Variants in SLC24A3 observed in about 807,000 individuals in gnomAD.
SLC24A3 encodes the protein sodium/potassium/calcium exchanger 3.
A neutral mutation model predicts 75.8 loss-of-function variants in SLC24A3; 28 were observed. That is an observed-to-expected ratio of 0.37 (90% CI 0.27 to 0.51). The LOEUF is 0.51. Ranked by LOEUF, SLC24A3 falls within the 20% of genes least tolerant of loss-of-function variation. The pLI, the probability that SLC24A3 is intolerant of heterozygous loss-of-function variation, is 0.94. For synonymous variants in SLC24A3, 372 were observed against 334.1 expected (o/e 1.11, Z -1.24); for missense variants, 663 against 847.8 (o/e 0.78, Z 2.71).
At chr20:19,515,104 T>C (rs1397523150) in intron 2 of SLC24A3, among the ~76,000 whole-genome samples, 1 of 152,230 alleles carries the variant, frequency 6.6e-6, no homozygotes, top group African/African-American at 2.4e-5. Context: ...TGTGTGGAAA[T>C]GAAGCTGTCA....
intron 1 of SLC24A3, among the ~76,000 whole-genome samples, chr20:19,252,258 A>G (rs1982680357): frequency 6.6e-6 from 1 of 152,212 alleles, no homozygotes; most frequent in African/African-American, 2.4e-5. Flanking sequence ...ATGAAAGAGG[A>G]GTTGCAGCCA....
chr20:19,714,427 CAA>C (rs1300069377), intron 15 of SLC24A3, among the ~76,000 whole-genome samples: 1 of 29,512 alleles, frequency 3.4e-5, no homozygotes, highest in Non-Finnish European at 6.2e-5. Flanking sequence ...AAAAAAAAAA[CAA>C]CAAAAAGAGG....
intron 2 of SLC24A3, among the ~76,000 whole-genome samples, chr20:19,325,911 C>G (rs1402328358): frequency 6.7e-6 from 1 of 150,360 alleles, no homozygotes; most frequent in Non-Finnish European, 1.5e-5. Context: ...ACTTTATACA[C>G]ATAGTCTGAG....
intron 3 of SLC24A3, among the ~76,000 whole-genome samples, chr20:19,554,613 A>G (rs964056465): frequency 6.6e-6 from 1 of 152,362 alleles, no homozygotes; most frequent in South Asian, 2.1e-4. Flanking sequence ...AAGCCTAAAT[A>G]GGAAACCATG....
intron 1 of SLC24A3, among the ~76,000 whole-genome samples, chr20:19,216,625 G>GA (rs1981564909): frequency 6.6e-6 from 1 of 150,950 alleles, no homozygotes; most frequent in Non-Finnish European, 1.5e-5. Context: ...AGAAAAAAAG[G>GA]AAAAAAAGAA....
chr20:19,388,646 A>C (rs1986314134), intron 2 of SLC24A3, among the ~76,000 whole-genome samples: 1 of 152,188 alleles, frequency 6.6e-6, no homozygotes, highest in Non-Finnish European at 1.5e-5. Flanking sequence ...CGGGAGATGG[A>C]GCTTGCAGTG....
chr20:19,430,372 G>A (rs1351087689), intron 2 of SLC24A3, among the ~76,000 whole-genome samples: 2 of 152,150 alleles, frequency 1.3e-5, no homozygotes, highest in African/African-American at 4.8e-5. Flanking sequence ...CCGACCAAGG[G>A]TCTTGATGCC....
rs1981441616 is a variant in SLC24A3 at position 19,212,859 on chromosome 20, A to G, written c.17A>G (p.Asp6Gly). 4.2e-6 allele frequency: 5 copies of G among 1,185,768 alleles called. No individual in the cohort carries two copies. Among genetic ancestry groups the G allele is most frequent in the Admixed American group, 4.1e-5 (1 of 24,388 alleles). The allele number at this position is 1,185,768 out of a possible 1,614,324, so 73.5% of individuals were successfully genotyped here. A position where few individuals can be genotyped will look rare whatever the true frequency, so the allele number is the denominator to read the frequency against. Reference protein sequence around the residue: MRPSGDEDRARRRRRR... With the variant: MRPSGGEDRARRRRRR... ...CGCCCGAGGATGCGGCCGTCCGGCG[A>G]CGAGGACCGCGCGCGTCGCCGCCGC... The change falls in exon 1 of 17, where the codon GAC (aspartate) becomes GGC (glycine). Residue 6 changes from aspartate to glycine, a missense_variant. Around this residue, in one of 2 missense-constraint regions of SLC24A3, gnomAD observed 153 missense variants for 144.2 expected, o/e 1.06. Transcript: ENST00000328041.
rs143538288 is a variant in SLC24A3 at position 19,529,752 on chromosome 20, C to T, written c.348+14188C>T. Among the ~76,000 whole-genome samples the T allele has an allele frequency of 2.0e-4, 31 of 152,250 alleles. No homozygotes were observed. The East Asian group carries it at 4.5e-3, about 22-fold the overall frequency. On this transcript the variant is annotated intron_variant, in intron 3 of 16. Transcript: ENST00000328041. ...TCCTAGGTACCTGGCTGGGTACAGC[C>T]CCTTTCTTTGATACCACTCTGACCT... is the stretch of plus-strand genomic sequence containing the variant.
intron 2 of SLC24A3, among the ~76,000 whole-genome samples, chr20:19,355,921 G>A (rs1223359886): frequency 6.6e-6 from 1 of 152,170 alleles, no homozygotes; most frequent in Admixed American, 6.5e-5. Flanking sequence ...AGAAGGAACT[G>A]CTACATTTGG....
intron 3 of SLC24A3, among the ~76,000 whole-genome samples, chr20:19,534,803 G>A (rs1166626673): frequency 6.6e-6 from 1 of 152,154 alleles, no homozygotes; most frequent in Non-Finnish European, 1.5e-5. Context: ...GTACAGATTG[G>A]AAACCAAGGC....
chr20:19,532,521 C>T (rs2030321601), intron 3 of SLC24A3, among the ~76,000 whole-genome samples: 1 of 152,174 alleles, frequency 6.6e-6, no homozygotes, highest in Non-Finnish European at 1.5e-5. Context: ...GCAGAGCCTC[C>T]CATCAAGCCA....
chr20:19,711,757 A>C (rs2032996199), intron 15 of SLC24A3, among the ~76,000 whole-genome samples: 3 of 151,946 alleles, frequency 2.0e-5, no homozygotes, highest in African/African-American at 4.8e-5. Flanking sequence ...CTCCTGCTTC[A>C]GCCTCCCAAG....
At chr20:19,428,096 T>A (rs1408418936) in intron 2 of SLC24A3, among the ~76,000 whole-genome samples, 1 of 152,208 alleles carries the variant, frequency 6.6e-6, no homozygotes, top group Admixed American at 6.5e-5. Flanking sequence ...GAAAATATGT[T>A]CTTGCCACCT....
intron 1 of SLC24A3, among the ~76,000 whole-genome samples, chr20:19,271,109 A>C (rs1225851110): frequency 6.6e-6 from 1 of 152,220 alleles, no homozygotes; most frequent in Non-Finnish European, 1.5e-5. Context: ...GGTCATTAGA[A>C]GAACCACATT....
At chr20:19,702,733 G>A (rs2032889004) in intron 15 of SLC24A3, among the ~76,000 whole-genome samples, 1 of 152,128 alleles carries the variant, frequency 6.6e-6, no homozygotes, top group South Asian at 2.1e-4. Flanking sequence ...GAACTCCAGG[G>A]AAGTCAAGGA....
At chr20:19,514,834 T>A (rs915700321) in intron 2 of SLC24A3, among the ~76,000 whole-genome samples, 1 of 152,052 alleles carries the variant, frequency 6.6e-6, no homozygotes, top group Non-Finnish European at 1.5e-5. Flanking sequence ...CAGCCACAAA[T>A]GGAGGTCAAC....
chr20:19,257,415 G>A (rs376241452), intron 1 of SLC24A3, among the ~76,000 whole-genome samples: 3 of 152,332 alleles, frequency 2.0e-5, no homozygotes, highest in East Asian at 1.9e-4. Context: ...CCCAGCTGGC[G>A]TCAGCCAAGA....
At chr20:19,250,813 G>A (rs575834670) in intron 1 of SLC24A3, among the ~76,000 whole-genome samples, 50 of 152,110 alleles carry the variant, frequency 3.3e-4, no homozygotes, top group Non-Finnish European at 6.8e-4. Flanking sequence ...AGTGTGCCAG[G>A]GACTTTCACA....
Sources: allele counts gnomAD v4.1 joint callset (sites outside exome capture counted in the v4.1 genomes callset), GRCh38; gene constraint gnomAD v4.1.1; regional missense constraint gnomAD v4.1.1; transcripts MANE v1.5; gene names NCBI Gene and HGNC (gene_info 2026-07-23, HGNC 2026-07-21).